The following GPR176 variants were observed in gnomAD, a reference collection of about 807,000 sequenced individuals.
GPR176 encodes the protein G protein-coupled receptor 176.
GPR176 carries 26 observed loss-of-function variants against 35.4 expected under a neutral mutation model. The observed-to-expected ratio is 0.74, with a 90% CI of 0.54 to 1.02. The LOEUF (loss-of-function observed/expected upper bound fraction) is 1.02. Ranked by LOEUF, GPR176 falls within the 50% of genes least tolerant of loss-of-function variation. The pLI is 0.00. For missense variants in GPR176, 597 were observed against 665.3 expected (o/e 0.90, Z 1.13); for synonymous variants, 278 against 271.3 (o/e 1.02, Z -0.24).
intron 1 of GPR176, among the ~76,000 whole-genome samples, chr15:39,840,653 T>G (rs2029901778): frequency 6.6e-6 from 1 of 152,036 alleles, no homozygotes; most frequent in Non-Finnish European, 1.5e-5. Context: ...AGAAGGGTAG[T>G]AAGATAGACA....
chr15:39,913,482 T>C (rs1183979714), intron 1 of GPR176, among the ~76,000 whole-genome samples: 2 of 151,360 alleles, frequency 1.3e-5, no homozygotes, highest in African/African-American at 4.9e-5. Flanking sequence ...GAAGTGGAGG[T>C]TGCAGTGAAC....
At chr15:39,887,599 T>A (rs1313099232) in intron 1 of GPR176, among the ~76,000 whole-genome samples, 141 of 141,896 alleles carry the variant, frequency 9.9e-4, no homozygotes, top group African/African-American at 3.3e-3. Flanking sequence ...AATTTAAATT[T>A]AAAAAAAAAA....
chr15:39,817,761 G>A (rs766232084), intron 1 of GPR176, among the ~76,000 whole-genome samples: 1 of 152,226 alleles, frequency 6.6e-6, no homozygotes, highest in African/African-American at 2.4e-5. Flanking sequence ...GCGTAGAGAA[G>A]TCAAATGATA....
chr15:39,887,082 T>C (rs142437869), intron 1 of GPR176, among the ~76,000 whole-genome samples: 1 of 152,286 alleles, frequency 6.6e-6, no homozygotes, highest in African/African-American at 2.4e-5. Context: ...ATATTAAAAA[T>C]GCAAATTCCT....
chr15:39,825,483 GTAT>G (rs1595454296), intron 1 of GPR176, among the ~76,000 whole-genome samples: 1 of 151,628 alleles, frequency 6.6e-6, no homozygotes, highest in South Asian at 2.1e-4. Context: ...CAGACATATG[GTAT>G]TATTATTTTG....
chr15:39,864,959 C>T (rs1410664937), intron 1 of GPR176, among the ~76,000 whole-genome samples: 1 of 148,162 alleles, frequency 6.7e-6, no homozygotes, highest in African/African-American at 2.5e-5. Flanking sequence ...CTCAACATTG[C>T]TAATCATCAG....
At chr15:39,830,496 C>T (rs936394292) in intron 1 of GPR176, among the ~76,000 whole-genome samples, 4 of 152,122 alleles carry the variant, frequency 2.6e-5, no homozygotes, top group Admixed American at 1.3e-4. Flanking sequence ...AAGAGAGAGA[C>T]AGGACTGGAA....
chr15:39,875,784 T>G (rs2032219984), intron 1 of GPR176, among the ~76,000 whole-genome samples: 1 of 152,114 alleles, frequency 6.6e-6, no homozygotes, highest in Non-Finnish European at 1.5e-5. Flanking sequence ...TTTAAAATAC[T>G]CCCTTTATCA....
chr15:39,822,160 T>C (rs979774012), intron 1 of GPR176, among the ~76,000 whole-genome samples: 7 of 152,180 alleles, frequency 4.6e-5, no homozygotes, highest in African/African-American at 1.7e-4. Flanking sequence ...TGCCTTCAGG[T>C]GGCCACAGCT....
chr15:39,849,731 G>A (rs996207412), intron 1 of GPR176, among the ~76,000 whole-genome samples: 1 of 152,148 alleles, frequency 6.6e-6, no homozygotes, highest in African/African-American at 2.4e-5. Flanking sequence ...AATGGGAAGA[G>A]AGGGAAACTT....
chr15:39,810,225 A>T (rs1899461725), intron 1 of GPR176, among the ~76,000 whole-genome samples: 1 of 152,102 alleles, frequency 6.6e-6, no homozygotes, highest in Non-Finnish European at 1.5e-5. Flanking sequence ...ACAGACCTGC[A>T]CATCCTGCAC....
At chr15:39,822,798 G>A (rs1280368615) in intron 1 of GPR176, among the ~76,000 whole-genome samples, 1 of 152,128 alleles carries the variant, frequency 6.6e-6, no homozygotes, top group East Asian at 1.9e-4. Flanking sequence ...ATCAGAAAAT[G>A]TAGCTCCTTG....
intron 1 of GPR176, among the ~76,000 whole-genome samples, chr15:39,810,340 A>G (rs756684747): frequency 3.9e-5 from 6 of 152,236 alleles, no homozygotes; most frequent in South Asian, 4.1e-4. Context: ...AGACAAAGCC[A>G]TGTGAATTAA....
intron 1 of GPR176, among the ~76,000 whole-genome samples, chr15:39,889,938 C>G (rs2032811385): frequency 6.6e-6 from 1 of 152,174 alleles, no homozygotes; most frequent in Non-Finnish European, 1.5e-5. Context: ...CTACCCAAGG[C>G]CTATTGCAGA....
intron 2 of GPR176, among the ~76,000 whole-genome samples, chr15:39,806,781 C>T (rs1206397827): frequency 6.6e-6 from 1 of 152,214 alleles, no homozygotes; most frequent in Non-Finnish European, 1.5e-5. Flanking sequence ...CACCATGGAA[C>T]TCCCATCCCC....
chr15:39,821,485 C>T (rs1360419027), intron 1 of GPR176, among the ~76,000 whole-genome samples: 1 of 152,090 alleles, frequency 6.6e-6, no homozygotes, highest in African/African-American at 2.4e-5. Context: ...CTTAAGTATG[C>T]AAATACCACA....
chr15:39,895,962 ACT>A (rs748492842), intron 1 of GPR176, among the ~76,000 whole-genome samples: 4 of 152,114 alleles, frequency 2.6e-5, no homozygotes, highest in Non-Finnish European at 5.9e-5. Flanking sequence ...TTCAAGCAAA[ACT>A]CTCTTCCTAG....
intron 1 of GPR176, among the ~76,000 whole-genome samples, chr15:39,911,566 A>T (rs1261663964): frequency 6.6e-6 from 1 of 152,210 alleles, no homozygotes; most frequent in Non-Finnish European, 1.5e-5. Context: ...AACAACAACA[A>T]ATTTCCTCCT....
chr15:39,841,893 G>A (rs1473683707), intron 1 of GPR176, among the ~76,000 whole-genome samples: 1 of 152,136 alleles, frequency 6.6e-6, no homozygotes, highest in African/African-American at 2.4e-5. Context: ...CATATAGTCA[G>A]TAGTTATAAT....
Sources: gnomAD v4.1 joint callset for allele counts (sites outside exome capture counted in the v4.1 genomes callset) on GRCh38, gnomAD v4.1.1 for gene constraint, MANE v1.5 for transcripts, NCBI Gene and HGNC (gene_info 2026-07-23, HGNC 2026-07-21) for gene names.